CPNE4: variants seen among roughly 807,000 people sequenced by gnomAD.
CPNE4 encodes copine-4.
CPNE4 carries 25 observed loss-of-function variants against 67.9 expected under a neutral mutation model. The ratio of observed to expected loss-of-function variants is 0.37; its 90% CI spans 0.27 to 0.51. The LOEUF (loss-of-function observed/expected upper bound fraction) is 0.51, where lower values mean the gene tolerates loss of function less well. Among genes scored for constraint, CPNE4 ranks in the 20% least tolerant of loss-of-function variants. The probability of loss-of-function intolerance (pLI) is 0.93; values close to 1 mark genes in which losing one functional copy is unlikely to be tolerated. For synonymous variants in CPNE4, 242 were observed against 244.9 expected (o/e 0.99, Z 0.11); for missense variants, 464 against 690.8 (o/e 0.67, Z 3.68).
intron 10 of CPNE4, among the ~76,000 whole-genome samples, chr3:131,568,087 G>T (rs1046834953): frequency 1.6e-4 from 24 of 151,952 alleles, no homozygotes; most frequent in Non-Finnish European, 3.2e-4. Flanking sequence ...ATAGGCTTAT[G>T]ATTCTTACCA....
At chr3:131,670,793 T>A (rs149331608) in intron 6 of CPNE4, among the ~76,000 whole-genome samples, 3 of 143,538 alleles carry the variant, frequency 2.1e-5, no homozygotes, top group African/African-American at 7.9e-5. Context: ...AGTCTTTAGT[T>A]AGTGGAAGTC....
intron 6 of CPNE4, among the ~76,000 whole-genome samples, chr3:131,685,485 A>T (rs1309937961): frequency 5.3e-5 from 8 of 151,776 alleles, no homozygotes; most frequent in African/African-American, 1.9e-4. Context: ...ATCTACAGAC[A>T]TTAAGAAGTA....
At chr3:131,641,398 A>G (rs1311206295) in intron 7 of CPNE4, among the ~76,000 whole-genome samples, 5 of 152,214 alleles carry the variant, frequency 3.3e-5, no homozygotes, top group Non-Finnish European at 1.5e-5. Context: ...ATGGGTCCCA[A>G]GCATATGGAA....
In CPNE4 at chr3:131,965,325, A is replaced by C. The variant is rs144177165; in HGVS notation, c.-1-59881T>G. On this transcript the variant is annotated intron_variant, in intron 1 of 15. Coordinates refer to ENST00000429747, the MANE Select transcript of CPNE4 (RefSeq NM_130808.3). Reference sequence around the variant, plus strand: ...GAAGAAACTGCATCAACTAATGTGCAAAATAACCAGCTAGTATCATGATGA... The same window carrying C: ...GAAGAAACTGCATCAACTAATGTGCCAAATAACCAGCTAGTATCATGATGA... 1.2e-3 allele frequency among the ~76,000 whole-genome samples: 182 copies of C among 152,384 alleles called. 1 individual carries two copies. Among genetic ancestry groups the C allele is most frequent in the Non-Finnish European group, 9.6e-4 (65 of 68,040 alleles).
chr3:131,538,098 T>G (rs1453232756), intron 15 of CPNE4, among the ~76,000 whole-genome samples: 1 of 152,214 alleles, frequency 6.6e-6, no homozygotes, highest in Non-Finnish European at 1.5e-5. Flanking sequence ...TAAAAACCAT[T>G]TATGTAATCC....
At chr3:131,954,070 TA>T (rs926417718) in intron 1 of CPNE4, among the ~76,000 whole-genome samples, 1 of 151,864 alleles carries the variant, frequency 6.6e-6, no homozygotes, top group African/African-American at 2.4e-5. Flanking sequence ...ACTAGAAATG[TA>T]AAAGAGATAA....
chr3:132,034,811 G>A lies in CPNE4; in HGVS notation c.-246C>T, dbSNP rs112285242. On this transcript the variant is annotated 5_prime_UTR_variant, in exon 1 of 16. Transcript: ENST00000429747. ...AAACCCTGACTCCATTCTCGGTGAT[G>A]GGGGTGGGGGAAGAGGGTGAAAATG... 1.5e-5 allele frequency: 15 copies of A among 985,618 alleles called. No individual in the cohort carries two copies. The African/African-American group carries it at 1.6e-4, about 10-fold the overall frequency. 61.1% of individuals were successfully genotyped at this position (985,618 alleles called of 1,614,324 possible).
At chr3:132,029,526 C>T (rs913174923) in intron 1 of CPNE4, among the ~76,000 whole-genome samples, 2 of 152,214 alleles carry the variant, frequency 1.3e-5, no homozygotes, top group African/African-American at 2.4e-5. Flanking sequence ...TCCTTCTAGA[C>T]TCACCAGCTC....
intron 8 of CPNE4, among the ~76,000 whole-genome samples, chr3:131,586,153 G>C (rs891733564): frequency 1.3e-5 from 2 of 152,188 alleles, no homozygotes; most frequent in Admixed American, 1.3e-4. Context: ...AACAGGCACA[G>C]AGTATTATCT....
intron 1 of CPNE4, among the ~76,000 whole-genome samples, chr3:131,986,866 AC>A (rs1259888743): frequency 3.6e-4 from 26 of 71,492 alleles, no homozygotes; most frequent in Admixed American, 1.8e-3. Context: ...AAACAAACAA[AC>A]AAAAAAAAAA....
intron 1 of CPNE4, among the ~76,000 whole-genome samples, chr3:131,976,836 G>A (rs937767556): frequency 1.5e-4 from 22 of 149,838 alleles, no homozygotes; most frequent in East Asian, 5.9e-4. Flanking sequence ...GAGTCTCACC[G>A]TGTCACCCAG....
At chr3:131,799,736 T>G (rs532136021) in intron 2 of CPNE4, among the ~76,000 whole-genome samples, 3 of 152,272 alleles carry the variant, frequency 2.0e-5, no homozygotes, top group Non-Finnish European at 4.4e-5. Context: ...ATACCCAGCA[T>G]GACAATTCAG....
At chr3:131,794,367 C>T (rs908461940) in intron 2 of CPNE4, among the ~76,000 whole-genome samples, 2 of 152,070 alleles carry the variant, frequency 1.3e-5, no homozygotes, top group African/African-American at 4.8e-5. Context: ...GCCTCAGCCT[C>T]CTGAGTAGTT....
chr3:131,812,415 T>A (rs1156593691), intron 2 of CPNE4, among the ~76,000 whole-genome samples: 1 of 152,002 alleles, frequency 6.6e-6, no homozygotes, highest in African/African-American at 2.4e-5. Flanking sequence ...GAAAGGTGAA[T>A]ATCCAGTTAA....
At chr3:131,877,928 G>A (rs1043323427) in intron 2 of CPNE4, among the ~76,000 whole-genome samples, 1 of 152,156 alleles carries the variant, frequency 6.6e-6, no homozygotes, top group Non-Finnish European at 1.5e-5. Flanking sequence ...AAATCCCATT[G>A]AGACACTACT....
intron 2 of CPNE4, among the ~76,000 whole-genome samples, chr3:131,802,779 C>A (rs1307238694): frequency 6.6e-6 from 1 of 152,188 alleles, no homozygotes; most frequent in Non-Finnish European, 1.5e-5. Flanking sequence ...AAAACTGAAT[C>A]ATTGAAAACA....
chr3:131,710,296 C>T lies in CPNE4; in HGVS notation c.361-10316G>A, dbSNP rs199995130. Among the ~76,000 whole-genome samples the T allele has an allele frequency of 5.9e-5, 9 of 152,322 alleles. No individual in the cohort carries two copies. In the East Asian group the frequency reaches 1.7e-3, roughly 29 times the overall value. On this transcript the variant is annotated intron_variant, in intron 3 of 15. Coordinates refer to ENST00000429747, the MANE Select transcript of CPNE4 (RefSeq NM_130808.3). The stretch of plus-strand genomic sequence containing the variant: ...GGAAAGATGGGGTCTAACTGCTATA[C>T]ATTTCTTAGACCTTTTGGTCCAAGA...
At chr3:131,782,711 C>CATTTTCTGCAGATGTAGAAAATCGT (rs1388289601) in intron 2 of CPNE4, among the ~76,000 whole-genome samples, 2 of 152,032 alleles carry the variant, frequency 1.3e-5, no homozygotes, top group Admixed American at 1.3e-4. Context: ...GTACATCTAC[C>CATTTTCTGCAGATGTAGAAAATCGT]ATTTTCTGCA....
At chr3:131,986,843 C>CAAAAAAAAAAAAAAA (rs373656375) in intron 1 of CPNE4, among the ~76,000 whole-genome samples, 1 of 92,092 alleles carries the variant, frequency 1.1e-5, no homozygotes. Context: ...AAAAAAAAAA[C>CAAAAAAAAAAAAAAA]AAAAAAAAAC....
Sources: gnomAD v4.1 joint callset for allele counts (sites outside exome capture counted in the v4.1 genomes callset) on GRCh38, gnomAD v4.1.1 for gene constraint, MANE v1.5 for transcripts, NCBI Gene and HGNC (gene_info 2026-07-23, HGNC 2026-07-21) for gene names.